The following SNRPA variants were observed in gnomAD, a reference collection of about 807,000 sequenced individuals.
SNRPA encodes small nuclear ribonucleoprotein polypeptide A.
A neutral mutation model predicts 24.5 loss-of-function variants in SNRPA; 10 were observed. The observed-to-expected ratio is 0.41, with a 90% CI of 0.25 to 0.69. SNRPA has a LOEUF of 0.69. SNRPA is among the 30% of genes least tolerant of loss of function. The probability of loss-of-function intolerance (pLI) is 0.33; values close to 1 mark genes in which losing one functional copy is unlikely to be tolerated. For missense variants in SNRPA, 283 were observed against 394.7 expected, an observed-to-expected ratio of 0.72 and a Z score of 2.40; for synonymous variants, 165 against 148.4, an observed-to-expected ratio of 1.11 and a Z score of -0.81.
chr19:40,753,953 C>T (rs1224356607), intron 1 of SNRPA, among the ~76,000 whole-genome samples: 2 of 151,378 alleles, frequency 1.3e-5, no homozygotes, highest in African/African-American at 2.4e-5. Context: ...AGGCGCCCAC[C>T]AGCACACCCG....
chr19:40,759,328 G>A, intron 2 of SNRPA, 103 bp from the exon 3 acceptor site: 2 of 1,129,290 alleles, frequency 1.8e-6, no homozygotes, highest in East Asian at 2.7e-5. Context: ...GGGATTACAG[G>A]CATGAGCCGC....
At chr19:40,757,664 C>T (rs749605861) in intron 2 of SNRPA, among the ~76,000 whole-genome samples, 160 bp downstream of exon 2, 3 of 151,814 alleles carry the variant, frequency 2.0e-5, no homozygotes, top group Admixed American at 1.3e-4. Context: ...TTTCTTTGGC[C>T]GAGGGCGGTG....
chr19:40,759,204 CAAAA>C (rs77152560), intron 2 of SNRPA, among the ~76,000 whole-genome samples: 1 of 93,192 alleles, frequency 1.1e-5, no homozygotes, highest in Non-Finnish European at 2.1e-5. Context: ...GACAATGTCT[CAAAA>C]AAAAAAAAAA....
At position 40,755,125 on chromosome 19, in the gene SNRPA, G is replaced by A. The variant is rs368915255; in HGVS notation, c.74-2207G>A. Among the ~76,000 whole-genome samples, 4 of 151,824 alleles carry A rather than the reference G, an allele frequency of 2.6e-5. No homozygotes were observed. In the South Asian group the frequency reaches 8.3e-4, roughly 32 times the overall value. ...GGAGTTTCGATTTGTCACCCAGGCT[G>A]GAGTGCAGTGGCGCAATCTCTGCTC... On this transcript the variant is annotated intron_variant, in intron 1 of 5. Coordinates refer to ENST00000243563, the MANE Select transcript of SNRPA (RefSeq NM_004596.5).
intron 2 of SNRPA, among the ~76,000 whole-genome samples, chr19:40,758,493 C>CT (rs1337849848): frequency 6.6e-6 from 1 of 152,190 alleles, no homozygotes; most frequent in Non-Finnish European, 1.5e-5. Context: ...CTCCTCGGTC[C>CT]TTTGGCCTGA....
At chr19:40,762,223 T>C (rs1480893985) in intron 3 of SNRPA, among the ~76,000 whole-genome samples, 1 of 151,568 alleles carries the variant, frequency 6.6e-6, no homozygotes, top group Admixed American at 6.6e-5. Context: ...TTTGTTTTTG[T>C]TTTTGTTTTT....
chr19:40,754,801 T>C (rs2082901485), intron 1 of SNRPA, among the ~76,000 whole-genome samples: 1 of 152,026 alleles, frequency 6.6e-6, no homozygotes, highest in Non-Finnish European at 1.5e-5. Context: ...GCTGCCTCCC[T>C]GGTGGAATAT....
chr19:40,751,245 T>C lies in SNRPA; in HGVS notation c.-164T>C. 1.5e-6 allele frequency: 1 copy of C among 666,920 alleles called. No individual in the cohort carries two copies. The highest frequency in any genetic ancestry group is 1.6e-5 in the South Asian group (1 of 60,650). The allele number at this position is 666,920 out of a possible 1,614,324, so 41.3% of individuals were successfully genotyped here. On this transcript the variant is annotated 5_prime_UTR_variant, in exon 1 of 6. Coordinates refer to ENST00000243563, the MANE Select transcript of SNRPA (RefSeq NM_004596.5). The stretch of plus-strand genomic sequence containing the variant: ...GGAGAAGCGGGTCCTACGCACGCTT[T>C]GTTGTCGCGCTTTGCCTCCGTCCTT...
At chr19:40,763,304 T>G (rs896692068) in intron 4 of SNRPA, 6 of 593,718 alleles carry the variant, frequency 1.0e-5, no homozygotes, top group Non-Finnish European at 1.8e-5. Flanking sequence ...GCACCTAGAT[T>G]GATTCCATGA....
At chr19:40,759,818 C>T (rs1294940875) in intron 3 of SNRPA, among the ~76,000 whole-genome samples, 1 of 152,102 alleles carries the variant, frequency 6.6e-6, no homozygotes, top group Non-Finnish European at 1.5e-5. Flanking sequence ...TTGTTCCCTC[C>T]TTGTGACTGT....
chr19:40,763,947 C>T (rs749414146), intron 5 of SNRPA, among the ~76,000 whole-genome samples: 1 of 152,198 alleles, frequency 6.6e-6, no homozygotes, highest in African/African-American at 2.4e-5. Flanking sequence ...CTCTGGGCCT[C>T]ATTTTCCCAG....
chr19:40,759,699 C>G, intron 3 of SNRPA, 89 bp downstream of exon 3: 2 of 1,209,604 alleles, frequency 1.7e-6, no homozygotes, highest in Non-Finnish European at 2.3e-6. Context: ...GGAGAGTTCT[C>G]CCCTTGGGGC....
intron 1 of SNRPA, 111 bp downstream of exon 1, chr19:40,751,592 T>C (rs1216250795): frequency 1.2e-6 from 1 of 824,346 alleles, no homozygotes; most frequent in Non-Finnish European, 2.1e-6. Flanking sequence ...AACTTCGAGT[T>C]AACTCCTTGG....
chr19:40,764,348 A>G (rs2056449452), intron 5 of SNRPA, among the ~76,000 whole-genome samples: 1 of 152,194 alleles, frequency 6.6e-6, no homozygotes, highest in Admixed American at 6.5e-5. Flanking sequence ...TAGTGCCGAG[A>G]GAAGATTGTG....
chr19:40,753,831 C>T lies in SNRPA; in HGVS notation c.73+2350C>T, dbSNP rs571606831. ...TTTATTTTTGAGACGGAGTCTTCCT[C>T]TGTCGCCCAGGCTGGAGTGCAGTGG... is the stretch of plus-strand genomic sequence containing the variant. On this transcript the variant is annotated intron_variant, in intron 1 of 5. Coordinates refer to ENST00000243563, the MANE Select transcript of SNRPA (RefSeq NM_004596.5). Among the ~76,000 whole-genome samples, 20 of 152,118 alleles carry T rather than the reference C, an allele frequency of 1.3e-4. No individual in the cohort carries two copies. The East Asian group carries it at 3.5e-3, about 26-fold the overall frequency.
At chr19:40,753,761 A>G (rs1489255927) in intron 1 of SNRPA, among the ~76,000 whole-genome samples, 1 of 151,466 alleles carries the variant, frequency 6.6e-6, no homozygotes, top group Non-Finnish European at 1.5e-5. Flanking sequence ...CATTGGTGAC[A>G]TAGAACCCTG....
intron 4 of SNRPA, chr19:40,763,308 T>C: frequency 1.7e-6 from 1 of 594,308 alleles, no homozygotes; most frequent in Non-Finnish European, 3.0e-6. Context: ...CTAGATTGAT[T>C]CCATGAGCTA....
intron 1 of SNRPA, among the ~76,000 whole-genome samples, chr19:40,752,323 G>A (rs545898911): frequency 1.3e-5 from 2 of 151,536 alleles, no homozygotes; most frequent in South Asian, 2.1e-4. Flanking sequence ...GGCAACAAGA[G>A]CGAAACTCCG....
chr19:40,756,089 A>AT (rs1296881248), intron 1 of SNRPA, among the ~76,000 whole-genome samples: 2 of 152,112 alleles, frequency 1.3e-5, no homozygotes, highest in Non-Finnish European at 2.9e-5. Flanking sequence ...CCTGGCCAAC[A>AT]TAGGAGACTG....
Sources: gnomAD v4.1 joint callset for allele counts (sites outside exome capture counted in the v4.1 genomes callset) on GRCh38, gnomAD v4.1.1 for gene constraint, MANE v1.5 for transcripts, NCBI Gene and HGNC (gene_info 2026-07-23, HGNC 2026-07-21) for gene names.